Variants in OPCML observed in about 807,000 individuals in gnomAD.
OPCML encodes the protein opioid-binding protein/cell adhesion molecule.
OPCML carries 13 observed loss-of-function variants against 37.8 expected under a neutral mutation model. The ratio of observed to expected loss-of-function variants is 0.34; its 90% confidence interval spans 0.22 to 0.55. The LOEUF (loss-of-function observed/expected upper bound fraction) is 0.55, where lower values mean the gene tolerates loss of function less well. Among genes scored for constraint, OPCML ranks in the 20% least tolerant of loss-of-function variants. OPCML has a pLI of 0.91. For missense variants in OPCML, 341 were observed against 435.6 expected (o/e 0.78, Z 1.93); for synonymous variants, 176 against 168.8 (o/e 1.04, Z -0.33).
chr11:132,887,431 A>G (rs143031276), intron 2 of OPCML, among the ~76,000 whole-genome samples: 1 of 152,350 alleles, frequency 6.6e-6, no homozygotes, highest in Admixed American at 6.5e-5. Context: ...AAGGAGGAAC[A>G]AGAAATAAAA....
At chr11:133,359,256 T>C (rs1229952094) in intron 1 of OPCML, among the ~76,000 whole-genome samples, 1 of 152,194 alleles carries the variant, frequency 6.6e-6, no homozygotes, top group African/African-American at 2.4e-5. Flanking sequence ...TCGTTTATTC[T>C]CCAGCCGTAC....
chr11:132,449,175 C>T (rs2096062629), intron 4 of OPCML, among the ~76,000 whole-genome samples: 1 of 152,332 alleles, frequency 6.6e-6, no homozygotes, highest in South Asian at 2.1e-4. Flanking sequence ...AGGTAGCTCT[C>T]ATCTGTCACT....
At chr11:133,040,318 C>T (rs190983954) in intron 1 of OPCML, among the ~76,000 whole-genome samples, 1 of 152,288 alleles carries the variant, frequency 6.6e-6, no homozygotes, top group Admixed American at 6.5e-5. Context: ...ACCCCACCTA[C>T]CCCACAACCT....
intron 2 of OPCML, among the ~76,000 whole-genome samples, chr11:132,728,633 G>T (rs887481609): frequency 2.0e-5 from 3 of 152,026 alleles, no homozygotes; most frequent in African/African-American, 7.3e-5. Flanking sequence ...ACTTGTTCCT[G>T]CTGTAACCTA....
At chr11:133,224,461 A>G (rs1393783693) in intron 1 of OPCML, among the ~76,000 whole-genome samples, 1 of 152,180 alleles carries the variant, frequency 6.6e-6, no homozygotes, top group Non-Finnish European at 1.5e-5. Flanking sequence ...CAAGTTATCC[A>G]CATCCCAGAG....
intron 1 of OPCML, among the ~76,000 whole-genome samples, chr11:132,949,766 GTCAT>G (rs1945819001): frequency 1.3e-5 from 2 of 152,226 alleles, no homozygotes; most frequent in South Asian, 4.1e-4. Flanking sequence ...TGAAGATGCA[GTCAT>G]TAATGAGATC....
At chr11:132,984,860 G>A (rs939392734) in intron 1 of OPCML, among the ~76,000 whole-genome samples, 11 of 152,098 alleles carry the variant, frequency 7.2e-5, no homozygotes, top group Admixed American at 5.2e-4. Context: ...CCTGCCGCCC[G>A]CTTCCTCTGC....
chr11:132,630,434 T>C (rs941072207), intron 3 of OPCML, among the ~76,000 whole-genome samples: 1 of 152,202 alleles, frequency 6.6e-6, no homozygotes, highest in African/African-American at 2.4e-5. Context: ...GGCACGTGCC[T>C]GTAACCCCAT....
At chr11:132,666,480 TG>T (rs1323886724) in intron 2 of OPCML, among the ~76,000 whole-genome samples, 4 of 152,114 alleles carry the variant, frequency 2.6e-5, no homozygotes, top group African/African-American at 9.7e-5. Context: ...ACTCCAATCT[TG>T]GGGCTCACAT....
chr11:133,192,834 C>A (rs1169606443), intron 1 of OPCML, among the ~76,000 whole-genome samples: 1 of 151,434 alleles, frequency 6.6e-6, no homozygotes, highest in Non-Finnish European at 1.5e-5. Flanking sequence ...AACCTCCAAT[C>A]AACAGCATTA....
intron 2 of OPCML, among the ~76,000 whole-genome samples, chr11:132,837,894 A>G (rs1331412122): frequency 6.6e-6 from 1 of 151,968 alleles, no homozygotes; most frequent in Non-Finnish European, 1.5e-5. Context: ...CTCTGTAAAC[A>G]CTCGATCTTC....
intron 1 of OPCML, among the ~76,000 whole-genome samples, chr11:133,332,248 C>T (rs534713701): frequency 1.2e-4 from 18 of 152,196 alleles, no homozygotes; most frequent in African/African-American, 4.1e-4. Context: ...TGGTGGTGTA[C>T]AGGAATGCCA....
At chr11:132,965,374 T>A (rs1946191608) in intron 1 of OPCML, among the ~76,000 whole-genome samples, 1 of 152,180 alleles carries the variant, frequency 6.6e-6, no homozygotes, top group African/African-American at 2.4e-5. Context: ...CGGGGGGAGA[T>A]GTTTAAATTA....
chr11:133,465,939 T>C (rs1402273213), intron 1 of OPCML, among the ~76,000 whole-genome samples: 1 of 152,210 alleles, frequency 6.6e-6, no homozygotes, highest in African/African-American at 2.4e-5. Context: ...TTTCTAAAGA[T>C]TAAAGATTAA....
chr11:132,678,851 A>T (rs1227956275), intron 2 of OPCML, among the ~76,000 whole-genome samples: 3 of 152,112 alleles, frequency 2.0e-5, no homozygotes, highest in Non-Finnish European at 4.4e-5. Context: ...TACAAAACCA[A>T]GAGTGAACCT....
At chr11:132,825,735 A>G (rs1401641705) in intron 2 of OPCML, among the ~76,000 whole-genome samples, 1 of 152,184 alleles carries the variant, frequency 6.6e-6, no homozygotes, top group Non-Finnish European at 1.5e-5. Context: ...AAGCTTATTA[A>G]CCTAAATGCA....
chr11:132,554,868 T>TTG (rs1400594915), intron 3 of OPCML, among the ~76,000 whole-genome samples: 1 of 105,906 alleles, frequency 9.4e-6, no homozygotes, highest in African/African-American at 5.4e-5. Flanking sequence ...GTAAAGTTTT[T>TTG]TTTTTTTTTT....
At position 132,951,725 on chromosome 11, in the gene OPCML, C is replaced by A. The variant is rs113700488; in HGVS notation, c.62-8715G>T. 6.0e-3 allele frequency among the ~76,000 whole-genome samples: 909 copies of A among 152,258 alleles called. 9 individuals are homozygous for A. The highest frequency in any genetic ancestry group is 0.021 in the African/African-American group (873 of 41,552). On this transcript the variant is annotated intron_variant, in intron 1 of 7. Transcript: ENST00000524381. Reference sequence around the variant, plus strand: ...TATCTCTGTGGGCAGATAAGCTGTACAGAGCAAGACACAAAAATTCCCAAG... The same window carrying A: ...TATCTCTGTGGGCAGATAAGCTGTAAAGAGCAAGACACAAAAATTCCCAAG...
At chr11:133,310,763 C>T (rs1004406891) in intron 1 of OPCML, among the ~76,000 whole-genome samples, 3 of 152,134 alleles carry the variant, frequency 2.0e-5, no homozygotes, top group African/African-American at 7.2e-5. Context: ...GAAATCCTGG[C>T]TCAAATAGAA....
Sources: allele counts gnomAD v4.1 joint callset (sites outside exome capture counted in the v4.1 genomes callset), GRCh38; gene constraint gnomAD v4.1.1; transcripts MANE v1.5; gene names NCBI Gene and HGNC (gene_info 2026-07-23, HGNC 2026-07-21).